MYO1D: variants seen among roughly 807,000 people sequenced by gnomAD.
MYO1D encodes myosin ID, also known as unconventional myosin-Id.
In MYO1D, 83 loss-of-function variants were observed where a neutral mutation model predicts 122.0. That is an observed-to-expected ratio of 0.68 (90% CI 0.57 to 0.82). The LOEUF is 0.82. Among genes scored for constraint, MYO1D ranks in the 40% least tolerant of loss-of-function variants. The probability of loss-of-function intolerance (pLI) is 0.00; values close to 1 mark genes in which losing one functional copy is unlikely to be tolerated. For synonymous variants in MYO1D, 464 were observed against 446.9 expected (o/e 1.04, Z -0.48); for missense variants, 1,157 against 1,269.5 (o/e 0.91, Z 1.35).
chr17:32,746,328 G>T (rs1421850970), intron 12 of MYO1D, among the ~76,000 whole-genome samples: 1 of 152,164 alleles, frequency 6.6e-6, no homozygotes, highest in Non-Finnish European at 1.5e-5. Context: ...TACAAAAAAG[G>T]ATACACTCCA....
At position 32,755,645 on chromosome 17, in the gene MYO1D, A is replaced by G. The variant is rs2089939969; in HGVS notation, c.1314T>C (p.Asn438=). Residue 438 remains asparagine (N), a synonymous_variant, in exon 11 of 22, where the codon AAT becomes AAC. Transcript: ENST00000318217. ...GCTCCACGAGGTCAACAATGATCTG[A>G]TTGTTGAAGTAGTCAATCTGTAGGA... ...IPWKHIDYFN[N]QIIVDLVEQQ... 6.2e-7 allele frequency: 1 copy of G among 1,613,276 alleles called. No homozygotes were observed. The highest frequency in any genetic ancestry group is 1.7e-5 in the Admixed American group (1 of 59,948).
At chr17:32,594,620 AG>A in intron 21 of MYO1D, 1 of 630,708 alleles carries the variant, frequency 1.6e-6, no homozygotes, top group Non-Finnish European at 2.8e-6. Flanking sequence ...TTTTTCTTTT[AG>A]GTCTTATAAT....
intron 21 of MYO1D, among the ~76,000 whole-genome samples, chr17:32,527,656 G>A (rs1910384069): frequency 6.6e-6 from 1 of 151,942 alleles, no homozygotes; most frequent in South Asian, 2.1e-4. Flanking sequence ...AAAATAGCTG[G>A]GTATGGTGGT....
intron 1 of MYO1D, among the ~76,000 whole-genome samples, chr17:32,870,508 G>T (rs2091169112): frequency 6.7e-6 from 1 of 150,246 alleles, no homozygotes; most frequent in Non-Finnish European, 1.5e-5. Context: ...GTGTGTGTCT[G>T]TTTCCTGCCT....
At chr17:32,814,260 C>T (rs2090595710) in intron 1 of MYO1D, among the ~76,000 whole-genome samples, 1 of 152,184 alleles carries the variant, frequency 6.6e-6, no homozygotes, top group Admixed American at 6.5e-5. Context: ...AGGAGAATCA[C>T]CTGAACCCGG....
intron 21 of MYO1D, among the ~76,000 whole-genome samples, chr17:32,564,063 C>T (rs2087150491): frequency 6.6e-6 from 1 of 152,224 alleles, no homozygotes; most frequent in Non-Finnish European, 1.5e-5. Flanking sequence ...TCCAGCCTGC[C>T]CATGGACAAT....
In MYO1D at chr17:32,755,529, C is replaced by A; in HGVS notation, c.1430G>T (p.Ser477Ile). 6.2e-7 allele frequency: 1 copy of A among 1,613,912 alleles called. No homozygotes were observed. Among genetic ancestry groups the A allele is most frequent in the South Asian group, 1.1e-5 (1 of 91,072 alleles). Residue 477 changes from serine (S) to isoleucine (I), a missense_variant, in exon 11 of 22, where the codon AGT becomes ATT. Transcript: ENST00000318217. ...TDEMFLEALN[S>I]KLGKHAHFSS... ...AAAATGGGCGTGTTTGCCCAATTTA[C>A]TGTTAAGTGCTTCAAGAAACATTTC...
chr17:32,719,560 C>T lies in MYO1D; in HGVS notation c.1913+1463G>A, dbSNP rs371243679. Among the ~76,000 whole-genome samples, 3 of 152,056 alleles carry T rather than the reference C, an allele frequency of 2.0e-5. No individual in the cohort carries two copies. In the East Asian group the frequency reaches 5.8e-4, roughly 29 times the overall value. ...AGAGATGGGGTTTCACCTTGTTAGC[C>T]AGGATGGTCTAGATCTCCTGACCTC... On this transcript the variant is annotated intron_variant, in intron 15 of 21. Transcript: ENST00000318217.
chr17:32,589,850 A>G (rs896743244), intron 21 of MYO1D, among the ~76,000 whole-genome samples: 6 of 152,190 alleles, frequency 3.9e-5, no homozygotes, highest in African/African-American at 1.4e-4. Context: ...TTTTTACTCC[A>G]TGAGGATTTT....
intron 21 of MYO1D, among the ~76,000 whole-genome samples, chr17:32,508,321 C>T (rs1295494228): frequency 6.6e-6 from 1 of 152,022 alleles, no homozygotes; most frequent in African/African-American, 2.4e-5. Flanking sequence ...GTCACCCAGG[C>T]TGGAGTACAG....
At chr17:32,569,487 T>C (rs1250453507) in intron 21 of MYO1D, among the ~76,000 whole-genome samples, 1 of 152,224 alleles carries the variant, frequency 6.6e-6, no homozygotes, top group East Asian at 1.9e-4. Flanking sequence ...TGTGCAGCTC[T>C]TCCCCATCTA....
intron 16 of MYO1D, among the ~76,000 whole-genome samples, chr17:32,683,686 G>T (rs2088959370): frequency 6.6e-6 from 1 of 151,530 alleles, no homozygotes; most frequent in African/African-American, 2.4e-5. Flanking sequence ...GTCTGCAGAG[G>T]TTACTGCTGT....
Position 32,755,578 on chromosome 17 carries a change from T to C in MYO1D, c.1381A>G (p.Met461Val), listed in dbSNP as rs753844713. Residue 461 changes from methionine to valine, a missense_variant, in exon 11 of 22, where the codon ATG (methionine) becomes GTG (valine). Met to Val is a conservative substitution (Grantham distance 21). Transcript: ENST00000318217. ...TCATCGGTGACTTTGCCGACATTCA[T>C]GCAAGCATCATCAAGGATTGCAATG... ...GIIAILDDAC[M>V]NVGKVTDEMF... 6.2e-6 allele frequency: 10 copies of C among 1,613,896 alleles called. No homozygotes were observed. The highest frequency in any genetic ancestry group is 2.7e-5 in the African/African-American group (2 of 74,922).
intron 1 of MYO1D, among the ~76,000 whole-genome samples, chr17:32,868,558 G>A (rs2091150045): frequency 6.6e-6 from 1 of 152,164 alleles, no homozygotes; most frequent in Non-Finnish European, 1.5e-5. Context: ...GAAATGACAA[G>A]GAAGAGATGA....
intron 21 of MYO1D, among the ~76,000 whole-genome samples, chr17:32,558,336 C>T (rs1246795628): frequency 3.3e-5 from 5 of 152,208 alleles, no homozygotes; most frequent in Non-Finnish European, 7.3e-5. Context: ...GGAAACAAGG[C>T]TTTGCTCTCA....
chr17:32,864,762 A>T (rs2091109688), intron 1 of MYO1D, among the ~76,000 whole-genome samples: 2 of 152,210 alleles, frequency 1.3e-5, no homozygotes, highest in Non-Finnish European at 2.9e-5. Context: ...TCAGCCAAGA[A>T]TCAAAGATGC....
chr17:32,747,051 G>A (rs1292071452), intron 12 of MYO1D, among the ~76,000 whole-genome samples: 1 of 152,110 alleles, frequency 6.6e-6, no homozygotes, highest in African/African-American at 2.4e-5. Flanking sequence ...TCCCTCTTCA[G>A]TATTATGGAA....
At chr17:32,594,589 T>A in intron 21 of MYO1D, 1 of 659,828 alleles carries the variant, frequency 1.5e-6, no homozygotes, top group African/African-American at 1.8e-5. Context: ...TTTTATATTA[T>A]TGGCCTTTTC....
At position 32,564,392 on chromosome 17, in the gene MYO1D, T is replaced by C. The variant is rs73276401; in HGVS notation, c.2864+40695A>G. On this transcript the variant is annotated intron_variant, in intron 21 of 21. Coordinates refer to ENST00000318217, the MANE Select transcript of MYO1D (RefSeq NM_015194.3). ...ACCTGGGAAAATCTTGGTCAGCATG[T>C]GGTCCCTTTCCTTTCTAAGCCGACA... is the stretch of plus-strand genomic sequence containing the variant. Among the ~76,000 whole-genome samples, 692 of 152,322 alleles carry C rather than the reference T, an allele frequency of 4.5e-3. 3 individuals are homozygous for C. Among genetic ancestry groups the C allele is most frequent in the African/African-American group, 0.016 (657 of 41,576 alleles).
Sources: gnomAD v4.1 joint callset for allele counts (sites outside exome capture counted in the v4.1 genomes callset) on GRCh38, gnomAD v4.1.1 for gene constraint, MANE v1.5 for transcripts, NCBI Gene and HGNC (gene_info 2026-07-23, HGNC 2026-07-21) for gene names.